Variants in CADPS observed in about 807,000 individuals in gnomAD.
CADPS encodes calcium-dependent secretion activator 1.
CADPS carries 57 observed loss-of-function variants against 167.3 expected under a neutral mutation model. The ratio of observed to expected loss-of-function variants is 0.34; its 90% CI spans 0.28 to 0.42. The LOEUF is 0.42. CADPS is among the 20% of genes least tolerant of loss of function. CADPS has a pLI of 1.00. For missense variants in CADPS, 1,414 were observed against 1,738.1 expected (o/e 0.81, Z 3.32); for synonymous variants, 676 against 635.3 (o/e 1.06, Z -0.96).
intron 6 of CADPS, among the ~76,000 whole-genome samples, chr3:62,596,351 G>A (rs1182267852): frequency 1.3e-5 from 2 of 151,556 alleles, no homozygotes; most frequent in Admixed American, 1.3e-4. Context: ...GCCCGCCACC[G>A]TGCCCAGCTA....
chr3:62,713,304 C>T (rs774498977), intron 3 of CADPS, among the ~76,000 whole-genome samples: 6 of 152,024 alleles, frequency 3.9e-5, no homozygotes, highest in East Asian at 3.9e-4. Context: ...TTATTTGTGT[C>T]GGTGAGGTAG....
intron 26 of CADPS, among the ~76,000 whole-genome samples, chr3:62,464,756 T>C (rs557380940): frequency 6.6e-6 from 1 of 152,226 alleles, no homozygotes; most frequent in Non-Finnish European, 1.5e-5. Context: ...GGTATGTGAA[T>C]GAGTGAAACA....
At chr3:62,831,765 A>C (rs2075135765) in intron 1 of CADPS, among the ~76,000 whole-genome samples, 1 of 152,202 alleles carries the variant, frequency 6.6e-6, no homozygotes, top group African/African-American at 2.4e-5. Flanking sequence ...AAAAGCAGTA[A>C]ATTCAGCAAA....
chr3:62,750,458 G>C (rs189749909), intron 3 of CADPS, among the ~76,000 whole-genome samples: 1 of 151,498 alleles, frequency 6.6e-6, no homozygotes, highest in Non-Finnish European at 1.5e-5. Flanking sequence ...GATTATGAAG[G>C]TGGTATGTTA....
chr3:62,823,061 A>G (rs187340228), intron 1 of CADPS, among the ~76,000 whole-genome samples: 20 of 152,258 alleles, frequency 1.3e-4, no homozygotes, highest in African/African-American at 4.6e-4. Flanking sequence ...ATGACCTGCC[A>G]TTTATTCTGC....
chr3:62,557,130 G>T (rs2152331197), intron 10 of CADPS, among the ~76,000 whole-genome samples: 1 of 151,524 alleles, frequency 6.6e-6, no homozygotes, highest in Admixed American at 6.6e-5. Flanking sequence ...ATTTGATGTG[G>T]ATACAGGCAG....
chr3:62,574,717 G>C (rs1001964151), intron 8 of CADPS, among the ~76,000 whole-genome samples: 1 of 152,188 alleles, frequency 6.6e-6, no homozygotes, highest in Non-Finnish European at 1.5e-5. Flanking sequence ...TGAAATGTTG[G>C]TCAAGATGCT....
chr3:62,796,230 G>C (rs1296466725), intron 1 of CADPS: 5 of 152,182 alleles, frequency 3.3e-5, no homozygotes, highest in African/African-American at 1.2e-4. Context: ...TTTCTGATCT[G>C]GGTCAATTCA....
Position 62,580,582 on chromosome 3 carries a change from TAATAAAAAAA to T in CADPS, c.1577+4593_1577+4602del, listed in dbSNP as rs1158826946. On this transcript the variant is annotated intron_variant, in intron 8 of 29. Transcript: ENST00000383710. ...CACATGTACCATAAAACTTAAAGTA[TAATAAAAAAA>T]AATAAAAAAAAAAAGAAAGAGGCAA... is the stretch of plus-strand genomic sequence containing the variant. Among the ~76,000 whole-genome samples the T allele has an allele frequency of 3.1e-3, 363 of 116,214 alleles. 1 individual carries two copies. The highest frequency in any genetic ancestry group is 0.012 in the African/African-American group (330 of 26,818). 76.2% of individuals were successfully genotyped at this position (116,214 alleles called of 152,430 possible).
At chr3:62,771,685 T>C (rs140054623) in intron 1 of CADPS, among the ~76,000 whole-genome samples, 3,369 of 152,236 alleles carry the variant, frequency 0.022, 57 homozygotes, top group South Asian at 0.05. Context: ...ATTGCAGTAA[T>C]GAATTCCAAG....
Position 62,753,622 on chromosome 3 carries a change from G to A in CADPS, c.707C>T (p.Ser236Phe). The change falls in exon 3 of 30, where the codon TCC becomes TTC. Residue 236 changes from serine (S) to phenylalanine (F), a missense_variant. By Grantham distance (155) the Ser-to-Phe change is radical (BLOSUM62 -2). Transcript: ENST00000383710. The surrounding 1 kb of genome is among the most constrained non-coding windows in gnomAD (Gnocchi z 4.6). ...DGLSKETVLS[S>F]WMAKFDAIYR... ...GATGGCATCAAATTTGGCCATCCAG[G>A]AGCTCAGCACAGTCTCCTTGCTGAG... 1 of 1,614,116 alleles carries A rather than the reference G, an allele frequency of 6.2e-7. No individual in the cohort carries two copies. Among genetic ancestry groups the A allele is most frequent in the Non-Finnish European group, 8.5e-7 (1 of 1,180,032 alleles).
Position 62,753,504 on chromosome 3 carries a change from C to T in CADPS, c.825G>A (p.Glu275=), listed in dbSNP as rs1003851252. 2.5e-6 allele frequency: 4 copies of T among 1,614,118 alleles called. No individual in the cohort carries two copies. Among genetic ancestry groups the T allele is most frequent in the East Asian group, 2.2e-5 (1 of 44,866 alleles). Residue 275 remains glutamate, a synonymous_variant, in exon 3 of 30, where the codon GAG becomes GAA. Coordinates refer to ENST00000383710, the MANE Select transcript of CADPS (RefSeq NM_003716.4). This position sits in a 1 kb window ranked among gnomAD's most constrained non-coding sequence, Gnocchi z 4.6. ...TGATCCCAAGAATGTTCTGGAACAT[C>T]TCATAGAGTTGCTCCTTGCTCAGAA... ...ELILSKEQLY[E]MFQNILGIKK...
intron 1 of CADPS, among the ~76,000 whole-genome samples, chr3:62,840,840 T>C (rs1049058177): frequency 6.6e-6 from 1 of 152,198 alleles, no homozygotes; most frequent in Non-Finnish European, 1.5e-5. Context: ...AGAAATCCAT[T>C]TGGGTCCCAA....
At chr3:62,614,201 G>T (rs758321084) in intron 6 of CADPS, among the ~76,000 whole-genome samples, 2 of 152,188 alleles carry the variant, frequency 1.3e-5, no homozygotes, top group Non-Finnish European at 2.9e-5. Context: ...AATCCTCACA[G>T]TGATGCTATG....
intron 2 of CADPS, among the ~76,000 whole-genome samples, chr3:62,763,386 G>A (rs2086022176): frequency 6.6e-6 from 1 of 152,226 alleles, no homozygotes; most frequent in South Asian, 2.1e-4. Flanking sequence ...CAGTCGAGAG[G>A]TGGGGGGAAG....
intron 1 of CADPS, among the ~76,000 whole-genome samples, chr3:62,838,225 A>G (rs1420564666): frequency 2.6e-5 from 4 of 152,222 alleles, no homozygotes; most frequent in African/African-American, 9.6e-5. Flanking sequence ...GGGTAATGAC[A>G]TGATGAGGCT....
rs1023935231 is a variant in CADPS at position 62,398,858 on chromosome 3, C to T, written c.*548G>A. ...AAATGAAAGGATGGGTTAACAACGACACAAGGGGTTCATTTTTTGGTTTTA... is the reference window on the plus strand; with the variant it reads ...AAATGAAAGGATGGGTTAACAACGATACAAGGGGTTCATTTTTTGGTTTTA... On this transcript the variant is annotated 3_prime_UTR_variant, in exon 30 of 30. Transcript: ENST00000383710. 3 of 151,900 alleles carry T rather than the reference C, an allele frequency of 2.0e-5. No homozygotes were observed. Among genetic ancestry groups the T allele is most frequent in the Non-Finnish European group, 4.4e-5 (3 of 68,050 alleles). 9.4% of individuals were successfully genotyped at this position (151,900 alleles called of 1,614,324 possible).
intron 1 of CADPS, among the ~76,000 whole-genome samples, chr3:62,851,176 G>A (rs947741339): frequency 7.9e-5 from 11 of 139,728 alleles, no homozygotes; most frequent in East Asian, 4.1e-4. Context: ...GTCTCTGCAC[G>A]TGAGATGGGT....
At chr3:62,517,141 C>T (rs760084949) in intron 14 of CADPS, among the ~76,000 whole-genome samples, 7 of 152,114 alleles carry the variant, frequency 4.6e-5, no homozygotes, top group South Asian at 2.1e-4. Flanking sequence ...CGTCTGCTAC[C>T]GGTAATGCAT....
Sources: gnomAD v4.1 joint callset for allele counts (sites outside exome capture counted in the v4.1 genomes callset) on GRCh38, gnomAD v4.1.1 for gene constraint, Gnocchi (gnomAD v3.1) non-coding constraint, MANE v1.5 for transcripts, NCBI Gene and HGNC (gene_info 2026-07-23, HGNC 2026-07-21) for gene names.